Variants in MYO3A observed in about 807,000 individuals in gnomAD.
The protein encoded by MYO3A is myosin IIIA, also known as myosin-IIIa.
MYO3A carries 180 observed loss-of-function variants against 192.7 expected under a neutral mutation model. The ratio of observed to expected loss-of-function variants is 0.93; its 90% CI spans 0.83 to 1.06. MYO3A has a LOEUF of 1.06. Ranked by LOEUF, MYO3A falls within the 50% of genes least tolerant of loss-of-function variation. MYO3A has a pLI of 0.00. For synonymous variants in MYO3A, 628 were observed against 645.3 expected (o/e 0.97, Z 0.41); for missense variants, 1,896 against 1,905.0 (o/e 1.00, Z 0.09).
chr10:26,028,058 T>C (rs564239501), intron 10 of MYO3A, among the ~76,000 whole-genome samples: 2 of 152,366 alleles, frequency 1.3e-5, no homozygotes, highest in African/African-American at 4.8e-5. Context: ...ACATTACTTA[T>C]TTGAATTCCT....
At chr10:26,132,679 A>T (rs981912434) in intron 20 of MYO3A, among the ~76,000 whole-genome samples, 13 of 133,864 alleles carry the variant, frequency 9.7e-5, no homozygotes, top group South Asian at 2.4e-4. Context: ...TTTTTTTTTT[A>T]AATGAGCTAT....
chr10:26,192,650 CTTT>C (rs1388930575), intron 31 of MYO3A, among the ~76,000 whole-genome samples: 1 of 101,808 alleles, frequency 9.8e-6, no homozygotes, highest in African/African-American at 3.9e-5. Flanking sequence ...CCCTTCCTTT[CTTT>C]CCTTTTTTTT....
At chr10:26,157,641 T>A in intron 26 of MYO3A, 126 bp downstream of exon 26, 10 of 1,003,468 alleles carry the variant, frequency 1.0e-5, no homozygotes, top group African/African-American at 1.6e-5. Context: ...TTCATGCAAA[T>A]GATTATGTGT....
intron 10 of MYO3A, among the ~76,000 whole-genome samples, chr10:26,057,444 GATACATGAAAAT>G (rs750180903): frequency 2.6e-5 from 4 of 152,140 alleles, no homozygotes; most frequent in Non-Finnish European, 4.4e-5. Context: ...GTGAAGAGGA[GATACATGAAAAT>G]ATACTACCAT....
At chr10:26,104,008 C>T (rs1837633875) in intron 17 of MYO3A, among the ~76,000 whole-genome samples, 1 of 151,358 alleles carries the variant, frequency 6.6e-6, no homozygotes, top group African/African-American at 2.4e-5. Flanking sequence ...AATGTCTGTT[C>T]AGATCCTTTG....
chr10:26,007,936 G>A (rs534056669), intron 6 of MYO3A, among the ~76,000 whole-genome samples: 80 of 152,162 alleles, frequency 5.3e-4, no homozygotes, highest in African/African-American at 1.9e-3. Context: ...TCAATCCTAA[G>A]CCAAAAGAAC....
At chr10:26,049,876 A>G (rs1399796869) in intron 10 of MYO3A, among the ~76,000 whole-genome samples, 1 of 151,908 alleles carries the variant, frequency 6.6e-6, no homozygotes. Flanking sequence ...GGGTTTCACC[A>G]TGTTAGCTAG....
intron 10 of MYO3A, among the ~76,000 whole-genome samples, chr10:26,033,433 C>T (rs1485677581): frequency 6.6e-6 from 1 of 152,108 alleles, no homozygotes; most frequent in Non-Finnish European, 1.5e-5. Context: ...AACCAGAAAT[C>T]CAGGGATTAT....
At chr10:25,998,491 G>T (rs1354615516) in intron 6 of MYO3A, among the ~76,000 whole-genome samples, 3 of 152,104 alleles carry the variant, frequency 2.0e-5, no homozygotes, top group Admixed American at 1.3e-4. Context: ...GCTAGTCTAT[G>T]TTTCTGGTTG....
At chr10:25,975,857 C>T (rs541413463) in intron 4 of MYO3A, among the ~76,000 whole-genome samples, 8 of 151,978 alleles carry the variant, frequency 5.3e-5, no homozygotes, top group South Asian at 2.1e-4. Flanking sequence ...AAAGACATGC[C>T]GAAATTCAAT....
intron 18 of MYO3A, among the ~76,000 whole-genome samples, chr10:26,123,709 G>A (rs1022672846): frequency 1.3e-5 from 2 of 152,092 alleles, no homozygotes; most frequent in South Asian, 2.1e-4. Flanking sequence ...GGCAGATCAC[G>A]AGGTCAGCAG....
intron 22 of MYO3A, among the ~76,000 whole-genome samples, chr10:26,146,309 A>G (rs537099343): frequency 1.7e-4 from 26 of 152,372 alleles, no homozygotes; most frequent in Admixed American, 1.4e-3. Flanking sequence ...AATGAAAAAT[A>G]CATAAAAATA....
At chr10:26,027,055 A>G (rs375199853) in intron 10 of MYO3A, among the ~76,000 whole-genome samples, 2 of 152,134 alleles carry the variant, frequency 1.3e-5, no homozygotes, top group African/African-American at 2.4e-5. Context: ...TTGTATTGGT[A>G]TATGTTTTCT....
At chr10:26,195,685 G>T (rs1363695399) in intron 32 of MYO3A, among the ~76,000 whole-genome samples, 1 of 152,154 alleles carries the variant, frequency 6.6e-6, no homozygotes, top group Non-Finnish European at 1.5e-5. Context: ...CCTTGGACAT[G>T]CCCTTTTCTC....
chr10:26,117,045 T>G (rs1588983947), intron 17 of MYO3A, among the ~76,000 whole-genome samples: 2 of 152,226 alleles, frequency 1.3e-5, no homozygotes, highest in Non-Finnish European at 2.9e-5. Flanking sequence ...GTTGTGATAC[T>G]TGGTGTATCA....
chr10:26,183,411 T>A (rs1046363303), intron 31 of MYO3A, among the ~76,000 whole-genome samples: 2 of 152,014 alleles, frequency 1.3e-5, no homozygotes, highest in Non-Finnish European at 2.9e-5. Context: ...TAGTCCCAGC[T>A]ACTCAGGAGG....
chr10:25,944,946 T>C (rs1836744253), intron 2 of MYO3A, among the ~76,000 whole-genome samples: 1 of 152,074 alleles, frequency 6.6e-6, no homozygotes, highest in African/African-American at 2.4e-5. Flanking sequence ...AGTTTGCTCC[T>C]CTTATTCTTG....
intron 6 of MYO3A, among the ~76,000 whole-genome samples, chr10:26,007,632 G>A (rs547946523): frequency 2.3e-4 from 35 of 152,048 alleles, no homozygotes; most frequent in Middle Eastern, 3.4e-3. Context: ...CCCATTCACA[G>A]TTGCTTCAAA....
intron 7 of MYO3A, among the ~76,000 whole-genome samples, chr10:26,020,911 A>G (rs1842267174): frequency 1.3e-5 from 2 of 152,218 alleles, no homozygotes; most frequent in African/African-American, 4.8e-5. Flanking sequence ...GTGGCCCCAG[A>G]TAGGCTGTTG....
Sources: allele counts gnomAD v4.1 joint callset (sites outside exome capture counted in the v4.1 genomes callset), GRCh38; gene constraint gnomAD v4.1.1; transcripts MANE v1.5; gene names NCBI Gene and HGNC (gene_info 2026-07-23, HGNC 2026-07-21).